Variants in IFT80 observed in about 807,000 individuals in gnomAD.
The protein encoded by IFT80 is intraflagellar transport protein 80 homolog.
Under a neutral mutation model 107.9 loss-of-function variants are expected in IFT80, and 79 were observed. The observed-to-expected ratio is 0.73, with a 90% CI of 0.61 to 0.88. The LOEUF (loss-of-function observed/expected upper bound fraction) is 0.88, where lower values mean the gene tolerates loss of function less well. Ranked by LOEUF, IFT80 falls within the 40% of genes least tolerant of loss-of-function variation. The pLI, the probability that IFT80 is intolerant of heterozygous loss-of-function variation, is 0.00. For missense variants in IFT80, 797 were observed against 914.2 expected (o/e 0.87, Z 1.65); for synonymous variants, 299 against 300.9 (o/e 0.99, Z 0.07).
At chr3:160,320,671 A>G (rs961035453) in intron 8 of IFT80, among the ~76,000 whole-genome samples, 6 of 151,872 alleles carry the variant, frequency 4.0e-5, no homozygotes, top group African/African-American at 1.4e-4. Context: ...GACTAAACTT[A>G]TATACATATT....
rs1005468067 is a variant in IFT80 at position 160,358,942 on chromosome 3, A to G, written c.550-1364T>C. 8.5e-5 allele frequency among the ~76,000 whole-genome samples: 13 copies of G among 152,318 alleles called. No individual in the cohort carries two copies. In the East Asian group the frequency reaches 2.3e-3, roughly 27 times the overall value. On this transcript the variant is annotated intron_variant, in intron 6 of 19. Transcript: ENST00000326448. ...AGTGCCTGGTATATAACAGGTATGC[A>G]TTACATTTTTATTCAACGAATAAAT...
At chr3:160,390,272 C>T (rs150326958) in intron 1 of IFT80, among the ~76,000 whole-genome samples, 2,045 of 151,978 alleles carry the variant, frequency 0.013, 44 homozygotes, top group African/African-American at 0.042. Context: ...AAAAAATTAG[C>T]TGGGCATGGT....
intron 8 of IFT80, among the ~76,000 whole-genome samples, chr3:160,354,647 C>A (rs372848027): frequency 6.6e-6 from 1 of 151,650 alleles, no homozygotes; most frequent in Non-Finnish European, 1.5e-5. Context: ...AGCAAGGCTC[C>A]GTCTCAAAAA....
chr3:160,360,547 A>G (rs898136026), intron 6 of IFT80, among the ~76,000 whole-genome samples: 4 of 152,200 alleles, frequency 2.6e-5, no homozygotes, highest in Non-Finnish European at 4.4e-5. Flanking sequence ...CCCAAGACAC[A>G]TAATTGTCAG....
At chr3:160,351,619 T>C (rs1720712850) in intron 8 of IFT80, among the ~76,000 whole-genome samples, 1 of 147,592 alleles carries the variant, frequency 6.8e-6, no homozygotes, top group African/African-American at 2.5e-5. Context: ...ATATATTATA[T>C]ATATAGTATA....
chr3:160,268,834 T>G, intron 18 of IFT80: 1 of 330,872 alleles, frequency 3.0e-6, no homozygotes, highest in Admixed American at 4.6e-5. Flanking sequence ...ATAGTACAAT[T>G]GTTATGAGTC....
intron 8 of IFT80, among the ~76,000 whole-genome samples, chr3:160,331,148 CT>C (rs1719060474): frequency 6.6e-6 from 1 of 152,174 alleles, no homozygotes; most frequent in Non-Finnish European, 1.5e-5. Context: ...AGCATCCCTA[CT>C]TTTGTGCTTT....
chr3:160,260,199 G>A (rs559575552), intron 19 of IFT80, among the ~76,000 whole-genome samples: 48 of 152,100 alleles, frequency 3.2e-4, no homozygotes, highest in Admixed American at 8.5e-4. Context: ...ATTAATAAAC[G>A]AATTCCTCTC....
At chr3:160,262,667 G>C (rs746883913) in intron 19 of IFT80, among the ~76,000 whole-genome samples, 6 of 152,046 alleles carry the variant, frequency 3.9e-5, no homozygotes, top group Non-Finnish European at 5.9e-5. Flanking sequence ...AGTCGTCCCT[G>C]AGCTGACAAG....
chr3:160,374,789 A>G (rs139471087), intron 5 of IFT80, among the ~76,000 whole-genome samples: 1 of 152,372 alleles, frequency 6.6e-6, no homozygotes, highest in East Asian at 1.9e-4. Flanking sequence ...TACATTTATT[A>G]CTAAAGTAAC....
intron 9 of IFT80, among the ~76,000 whole-genome samples, chr3:160,318,353 C>T (rs907671593): frequency 3.3e-5 from 5 of 152,004 alleles, no homozygotes; most frequent in Admixed American, 3.3e-4. Context: ...TTTGAATAGA[C>T]CTGCCCATGC....
At chr3:160,359,579 G>A (rs1417021013) in intron 6 of IFT80, among the ~76,000 whole-genome samples, 1 of 152,102 alleles carries the variant, frequency 6.6e-6, no homozygotes, top group Admixed American at 6.5e-5. Flanking sequence ...GACAGTTAGG[G>A]GCCGATTGAC....
chr3:160,293,004 T>C (rs1357470084), intron 12 of IFT80, among the ~76,000 whole-genome samples: 2 of 152,106 alleles, frequency 1.3e-5, no homozygotes, highest in African/African-American at 2.4e-5. Flanking sequence ...GGTTTAATAG[T>C]GAATGCAGCT....
At chr3:160,273,055 T>C (rs1713946248) in intron 18 of IFT80, among the ~76,000 whole-genome samples, 1 of 152,206 alleles carries the variant, frequency 6.6e-6, no homozygotes, top group Non-Finnish European at 1.5e-5. Context: ...ATCTCACGGA[T>C]ACCAAGCGAT....
At position 160,303,845 on chromosome 3, in the gene IFT80, T is replaced by C. The variant is rs967976314; in HGVS notation, c.1151+70A>G. 2.7e-5 allele frequency: 26 copies of C among 966,592 alleles called. No individual in the cohort carries two copies. In the African/African-American group the frequency reaches 4.0e-4, roughly 15 times the overall value. The allele number at this position is 966,592 out of a possible 1,614,324, so 59.9% of individuals were successfully genotyped here. A position where few individuals can be genotyped will look rare whatever the true frequency, so the allele number is the denominator to read the frequency against. On this transcript the variant is annotated intron_variant, in intron 11 of 19. Transcript: ENST00000326448. ...AGTATACCATTCTTTTAATTGGATGTTTTTATTAAAGAGTGCTTTAATGCT... is the reference window on the plus strand; with the variant it reads ...AGTATACCATTCTTTTAATTGGATGCTTTTATTAAAGAGTGCTTTAATGCT...
chr3:160,269,032 T>C (rs1018205334), intron 18 of IFT80, among the ~76,000 whole-genome samples: 16 of 152,130 alleles, frequency 1.1e-4, no homozygotes, highest in East Asian at 1.9e-4. Context: ...AGTTCAAGAC[T>C]AGCCTGGCCA....
intron 8 of IFT80, among the ~76,000 whole-genome samples, chr3:160,332,227 T>C (rs2108318957): frequency 6.6e-6 from 1 of 152,264 alleles, no homozygotes; most frequent in South Asian, 2.1e-4. Flanking sequence ...GTGAGGAACA[T>C]TCAGACTGGA....
intron 19 of IFT80, among the ~76,000 whole-genome samples, chr3:160,262,926 T>A (rs1230635038): frequency 2.6e-5 from 4 of 152,214 alleles, no homozygotes; most frequent in African/African-American, 9.6e-5. Context: ...TATACCTAGA[T>A]GGTCAAGGCA....
At chr3:160,317,864 T>C (rs879455588) in intron 9 of IFT80, among the ~76,000 whole-genome samples, 2 of 151,998 alleles carry the variant, frequency 1.3e-5, no homozygotes, top group African/African-American at 2.4e-5. Flanking sequence ...AAAAGATACA[T>C]CAGCCATTGC....
Sources: gnomAD v4.1 joint callset for allele counts (sites outside exome capture counted in the v4.1 genomes callset) on GRCh38, gnomAD v4.1.1 for gene constraint, MANE v1.5 for transcripts, NCBI Gene and HGNC (gene_info 2026-07-23, HGNC 2026-07-21) for gene names.